CACNA2D3: variants seen among roughly 807,000 people sequenced by gnomAD.
The protein encoded by CACNA2D3 is voltage-dependent calcium channel subunit alpha-2/delta-3.
CACNA2D3 carries 60 observed loss-of-function variants against 160.6 expected under a neutral mutation model. The observed-to-expected ratio is 0.37, with a 90% CI of 0.30 to 0.46. The LOEUF (loss-of-function observed/expected upper bound fraction) is 0.46, where lower values mean the gene tolerates loss of function less well. CACNA2D3 is among the 20% of genes least tolerant of loss of function. The probability of loss-of-function intolerance (pLI) is 1.00; values close to 1 mark genes in which losing one functional copy is unlikely to be tolerated. For missense variants in CACNA2D3, 1,205 were observed against 1,365.0 expected (o/e 0.88, Z 1.85); for synonymous variants, 558 against 492.9 (o/e 1.13, Z -1.75).
chr3:54,684,426 A>G (rs1700412288), intron 11 of CACNA2D3, among the ~76,000 whole-genome samples: 1 of 152,218 alleles, frequency 6.6e-6, no homozygotes, highest in Admixed American at 6.5e-5. Flanking sequence ...GACACAATTC[A>G]GCCAACAGCA....
chr3:54,635,860 TTA>T (rs1243448197), intron 10 of CACNA2D3, among the ~76,000 whole-genome samples: 1 of 151,978 alleles, frequency 6.6e-6, no homozygotes, highest in Non-Finnish European at 1.5e-5. Flanking sequence ...AAATGAGGAA[TTA>T]TGTCTGACAG....
At chr3:54,184,962 G>T (rs1700855501) in intron 2 of CACNA2D3, among the ~76,000 whole-genome samples, 1 of 152,192 alleles carries the variant, frequency 6.6e-6, no homozygotes, top group South Asian at 2.1e-4. Flanking sequence ...CTTACGGGAG[G>T]ATTCATTTGG....
At chr3:54,558,943 T>C (rs893485780) in intron 5 of CACNA2D3, among the ~76,000 whole-genome samples, 11 of 152,146 alleles carry the variant, frequency 7.2e-5, no homozygotes, top group Non-Finnish European at 1.5e-4. Flanking sequence ...ACAAGGGATC[T>C]AGCCTGCCTT....
chr3:54,504,889 T>A (rs1701345281), intron 5 of CACNA2D3, among the ~76,000 whole-genome samples: 1 of 152,212 alleles, frequency 6.6e-6, no homozygotes, highest in South Asian at 2.1e-4. Flanking sequence ...AAATGATGTG[T>A]GTGTAGCCCT....
chr3:54,278,005 A>G (rs1309501822), intron 2 of CACNA2D3, among the ~76,000 whole-genome samples: 1 of 152,224 alleles, frequency 6.6e-6, no homozygotes, highest in Non-Finnish European at 1.5e-5. Flanking sequence ...ATCTAATTAA[A>G]CTAAAGAAGC....
At chr3:54,459,618 TG>T (rs1700462205) in intron 4 of CACNA2D3, among the ~76,000 whole-genome samples, 1 of 152,058 alleles carries the variant, frequency 6.6e-6, no homozygotes, top group South Asian at 2.1e-4. Context: ...CTGATGGGGT[TG>T]TTTGTTTTTT....
At chr3:54,247,520 T>C (rs980083305) in intron 2 of CACNA2D3, among the ~76,000 whole-genome samples, 1 of 151,808 alleles carries the variant, frequency 6.6e-6, no homozygotes, top group Admixed American at 6.6e-5. Flanking sequence ...CAAGAGCAAA[T>C]AAACACAACA....
At chr3:55,001,511 A>G (rs2107133122) in intron 31 of CACNA2D3, among the ~76,000 whole-genome samples, 1 of 152,330 alleles carries the variant, frequency 6.6e-6, no homozygotes, top group Admixed American at 6.5e-5. Context: ...GGTAGTCATT[A>G]TTCTCACCAT....
chr3:54,558,833 C>T (rs942291378), intron 5 of CACNA2D3, among the ~76,000 whole-genome samples: 1 of 152,084 alleles, frequency 6.6e-6, no homozygotes, highest in Non-Finnish European at 1.5e-5. Context: ...AATAAGGAAA[C>T]CTCAGATCAG....
intron 27 of CACNA2D3, among the ~76,000 whole-genome samples, chr3:54,944,591 T>G (rs1486764896): frequency 6.6e-6 from 1 of 152,016 alleles, no homozygotes; most frequent in Non-Finnish European, 1.5e-5. Flanking sequence ...TGGCTAATTT[T>G]TTTGTATTTT....
At chr3:54,717,515 TGTGTGTGTGTG>T (rs1301867251) in intron 11 of CACNA2D3, among the ~76,000 whole-genome samples, 20 of 151,258 alleles carry the variant, frequency 1.3e-4, no homozygotes, top group East Asian at 3.9e-4. Flanking sequence ...TGTGTATGCG[TGTGTGTGTGTG>T]GTGTGTGTGT....
At chr3:54,411,163 G>C (rs1478764032) in intron 4 of CACNA2D3, among the ~76,000 whole-genome samples, 3 of 152,210 alleles carry the variant, frequency 2.0e-5, no homozygotes, top group Non-Finnish European at 4.4e-5. Flanking sequence ...GTGGCTTCTT[G>C]AGGTGGAAAC....
chr3:54,298,597 A>G (rs1703393876), intron 2 of CACNA2D3, among the ~76,000 whole-genome samples: 1 of 152,174 alleles, frequency 6.6e-6, no homozygotes, highest in Admixed American at 6.5e-5. Context: ...CTAGAAGTTC[A>G]AGAGCAACCT....
chr3:54,507,032 A>T (rs980578071), intron 5 of CACNA2D3, among the ~76,000 whole-genome samples: 1 of 152,152 alleles, frequency 6.6e-6, no homozygotes, highest in Non-Finnish European at 1.5e-5. Flanking sequence ...ACATATACAC[A>T]TACACCTTAT....
chr3:54,575,886 CT>C (rs1702572502), intron 8 of CACNA2D3, among the ~76,000 whole-genome samples: 1 of 152,118 alleles, frequency 6.6e-6, no homozygotes, highest in African/African-American at 2.4e-5. Context: ...ACCCCAGCCC[CT>C]AAGAAGGAGC....
At chr3:54,806,732 G>A (rs544770512) in intron 13 of CACNA2D3, among the ~76,000 whole-genome samples, 2 of 152,204 alleles carry the variant, frequency 1.3e-5, no homozygotes, top group South Asian at 2.1e-4. Flanking sequence ...CCAAAAAAGA[G>A]CCCGCATCGC....
intron 2 of CACNA2D3, among the ~76,000 whole-genome samples, chr3:54,186,246 G>T (rs1213723953): frequency 2.0e-5 from 3 of 152,220 alleles, no homozygotes; most frequent in African/African-American, 7.2e-5. Flanking sequence ...GTTGTGTTTT[G>T]CTTGGATGAA....
chr3:54,969,848 A>G lies in CACNA2D3; in HGVS notation c.2556+4A>G. On this transcript the variant is annotated splice_donor_region_variant and intron_variant, in intron 29 of 37. Transcript: ENST00000474759. Reference sequence around the variant, plus strand: ...CTCCATCAGCTGTGATGATGAGGTAAGACGGCCTCCTGGTCCTGTTTCTAC... The same window carrying G: ...CTCCATCAGCTGTGATGATGAGGTAGGACGGCCTCCTGGTCCTGTTTCTAC... The G allele has an allele frequency of 6.2e-7, 1 of 1,613,166 alleles. No individual in the cohort carries two copies. The highest frequency in any genetic ancestry group is 1.3e-5 in the African/African-American group (1 of 74,998).
At chr3:55,006,237 G>A (rs138085172) in intron 32 of CACNA2D3, among the ~76,000 whole-genome samples, 432 of 152,230 alleles carry the variant, frequency 2.8e-3, no homozygotes, top group Non-Finnish European at 4.8e-3. Context: ...TTTTAATCCT[G>A]TATTTGCATA....
Sources: allele counts gnomAD v4.1 joint callset (sites outside exome capture counted in the v4.1 genomes callset), GRCh38; gene constraint gnomAD v4.1.1; transcripts MANE v1.5; gene names NCBI Gene and HGNC (gene_info 2026-07-23, HGNC 2026-07-21).